PUDP: variants seen among roughly 807,000 people sequenced by gnomAD.
PUDP encodes pseudouridine 5'-phosphatase.
Under a neutral mutation model 9.4 loss-of-function variants are expected in PUDP, and 8 were observed. The observed-to-expected ratio is 0.85, with a 90% CI of 0.50 to 1.53. PUDP has a LOEUF of 1.53. PUDP is among the 40% of genes most tolerant of loss of function. PUDP has a pLI of 0.00. For synonymous variants in PUDP, 99 were observed against 80.7 expected (o/e 1.23, Z -1.22); for missense variants, 188 against 189.7 (o/e 0.99, Z 0.05).
At chrX:7,076,923 C>T (rs1346656765) in intron 3 of PUDP, among the ~76,000 whole-genome samples, 2 of 111,822 alleles carry the variant, frequency 1.8e-5, no homozygotes, top group Non-Finnish European at 3.8e-5. Context: ...CCGCCGCTTC[C>T]CTGGAAAATG....
At chrX:6,721,110 A>T (rs191652294) in intron 1 of PUDP, among the ~76,000 whole-genome samples, 257 of 112,188 alleles carry the variant, frequency 2.3e-3, no homozygotes, top group African/African-American at 8.2e-3. Flanking sequence ...ATCCCATATG[A>T]CCTTTAACTA....
chrX:6,997,836 C>T (rs190013781), intron 1 of PUDP, among the ~76,000 whole-genome samples: 3 of 111,391 alleles, frequency 2.7e-5, no homozygotes, highest in East Asian at 2.8e-4. Context: ...TTAATGTCAT[C>T]CCTGAGGATA....
intron 1 of PUDP, among the ~76,000 whole-genome samples, chrX:7,028,364 G>A (rs1372286009): frequency 9.1e-6 from 1 of 110,431 alleles, no homozygotes; most frequent in Admixed American, 9.7e-5. Context: ...CAAAAAAATC[G>A]GGCTATTTTG....
chrX:7,050,201 G>T lies in PUDP; in HGVS notation c.*95C>A. 1.2e-6 allele frequency: 1 copy of T among 855,541 alleles called. No homozygotes were observed. The highest frequency in any genetic ancestry group is 1.6e-6 in the Non-Finnish European group (1 of 611,914). The allele number at this position is 855,541 out of a possible 1,213,427, so 70.5% of individuals were successfully genotyped here. A position where few individuals can be genotyped will look rare whatever the true frequency, so the allele number is the denominator to read the frequency against. On this transcript the variant is annotated 3_prime_UTR_variant, in exon 4 of 4. Coordinates refer to ENST00000381077, the MANE Select transcript of PUDP (RefSeq NM_012080.5). Reference sequence around the variant, plus strand: ...CTCAGGAGGCTAAAATCACAGCGCAGGTTGGGATTGAAGAGTTGCTGATTT... The same window carrying T: ...CTCAGGAGGCTAAAATCACAGCGCATGTTGGGATTGAAGAGTTGCTGATTT...
chrX:6,909,830 T>C (rs1012601556), intron 3 of PUDP, among the ~76,000 whole-genome samples: 1 of 112,529 alleles, frequency 8.9e-6, no homozygotes, highest in Non-Finnish European at 1.9e-5. Context: ...ATTTTAGTTA[T>C]AGGAAAATGT....
chrX:6,758,788 G>A (rs752261508), intron 3 of PUDP, among the ~76,000 whole-genome samples: 1 of 111,301 alleles, frequency 9.0e-6, no homozygotes, highest in Non-Finnish European at 1.9e-5. Flanking sequence ...CGCTCTGTGC[G>A]AAGTTGAAGA....
intron 3 of PUDP, among the ~76,000 whole-genome samples, chrX:6,810,234 AAAAG>A (rs1926120942): frequency 8.9e-6 from 1 of 111,977 alleles, no homozygotes; most frequent in Admixed American, 9.5e-5. Flanking sequence ...AGTAAAAGAA[AAAAG>A]AAAGGAAGTG....
chrX:7,107,179 G>A (rs1931908575), intron 1 of PUDP, among the ~76,000 whole-genome samples: 1 of 112,487 alleles, frequency 8.9e-6, no homozygotes, highest in Non-Finnish European at 1.9e-5. Flanking sequence ...CACAGGGTGT[G>A]GAGCAGCATT....
chrX:7,091,064 G>C (rs1268931073), intron 2 of PUDP, among the ~76,000 whole-genome samples: 3 of 112,067 alleles, frequency 2.7e-5, no homozygotes, highest in Non-Finnish European at 5.6e-5. Context: ...CACTTCCAAA[G>C]GGTCAATGGT....
intron 3 of PUDP, among the ~76,000 whole-genome samples, chrX:6,928,610 C>T (rs1466267942): frequency 8.9e-6 from 1 of 111,934 alleles, no homozygotes; most frequent in Non-Finnish European, 1.9e-5. Context: ...AAATGATGTA[C>T]TATAAATGAC....
intron 3 of PUDP, among the ~76,000 whole-genome samples, chrX:6,928,434 T>G (rs1928139561): frequency 1.8e-5 from 2 of 111,593 alleles, no homozygotes; most frequent in Non-Finnish European, 3.8e-5. Flanking sequence ...TTTTGGGCTT[T>G]TGGTTTCTGA....
At chrX:6,792,426 G>GA (rs1925763899) in intron 3 of PUDP, among the ~76,000 whole-genome samples, 1 of 108,943 alleles carries the variant, frequency 9.2e-6, no homozygotes, top group South Asian at 4.0e-4. Flanking sequence ...ATAGATACTA[G>GA]AAAAAACTTC....
intron 3 of PUDP, among the ~76,000 whole-genome samples, chrX:6,766,942 C>A (rs747121083): frequency 8.9e-6 from 1 of 112,482 alleles, no homozygotes; most frequent in Admixed American, 9.4e-5. Flanking sequence ...AAGCTACCAG[C>A]AACAATAGCA....
chrX:6,831,079 T>C (rs1926496685), intron 3 of PUDP, among the ~76,000 whole-genome samples: 1 of 111,300 alleles, frequency 9.0e-6, no homozygotes, highest in African/African-American at 3.3e-5. Context: ...GGTGAAATCA[T>C]AGTGAATCGA....
chrX:6,974,882 C>G (rs1273918515), intron 3 of PUDP, among the ~76,000 whole-genome samples: 1 of 110,607 alleles, frequency 9.0e-6, no homozygotes, highest in Non-Finnish European at 1.9e-5. Flanking sequence ...TCACATAGTC[C>G]CATATTTCTT....
At chrX:7,007,356 G>A (rs1223315966) in intron 1 of PUDP, among the ~76,000 whole-genome samples, 3 of 112,067 alleles carry the variant, frequency 2.7e-5, no homozygotes, top group Non-Finnish European at 5.6e-5. Context: ...CAAGTTTTAA[G>A]ACCAGATGGG....
At chrX:7,008,249 C>T (rs1275966160) in intron 1 of PUDP, among the ~76,000 whole-genome samples, 1 of 111,617 alleles carries the variant, frequency 9.0e-6, no homozygotes, top group Non-Finnish European at 1.9e-5. Context: ...CAGGCATGAA[C>T]CACTGCACCT....
At chrX:7,108,117 T>C (rs1016260907) in intron 1 of PUDP, among the ~76,000 whole-genome samples, 9 of 112,808 alleles carry the variant, frequency 8.0e-5, no homozygotes, top group Non-Finnish European at 1.5e-4. Context: ...AGAGTGCTGC[T>C]GTCTTGAGAA....
chrX:6,824,431 C>A (rs986419350), intron 3 of PUDP, among the ~76,000 whole-genome samples: 1 of 111,303 alleles, frequency 9.0e-6, no homozygotes, highest in Admixed American at 9.6e-5. Context: ...GTGCTGACCT[C>A]CTATCTCATC....
Sources: gnomAD v4.1 joint callset for allele counts (sites outside exome capture counted in the v4.1 genomes callset) on GRCh38, gnomAD v4.1.1 for gene constraint, MANE v1.5 for transcripts, NCBI Gene and HGNC (gene_info 2026-07-23, HGNC 2026-07-21) for gene names.